Variants in DNAH2 observed in about 807,000 individuals in gnomAD.
DNAH2 encodes dynein axonemal heavy chain 2.
A neutral mutation model predicts 523.5 loss-of-function variants in DNAH2; 323 were observed. That is an observed-to-expected ratio of 0.62 (90% confidence interval 0.56 to 0.68). The LOEUF is 0.68. Among genes scored for constraint, DNAH2 ranks in the 30% least tolerant of loss-of-function variants. DNAH2 has a pLI of 0.00. For missense variants in DNAH2, 4,907 were observed against 5,701.5 expected, an observed-to-expected ratio of 0.86 and a Z score of 4.49; for synonymous variants, 2,093 against 2,177.4, an observed-to-expected ratio of 0.96 and a Z score of 1.08.
At position 7,752,160 on chromosome 17, in the gene DNAH2, T is replaced by TACACACACTCACACACACACACACACAC. The variant is rs146035380; in HGVS notation, c.1905-4923_1905-4922insTCACACACACACACACACACACACACAC. On this transcript the variant is annotated intron_variant, in intron 12 of 85. Coordinates refer to ENST00000572933, the MANE Select transcript of DNAH2 (RefSeq NM_020877.5). ...CCTGCCTTTTCCCCTTAAGTCATTTTACACACACACACACACACACACACA... is the reference window on the plus strand; with the variant it reads ...CCTGCCTTTTCCCCTTAAGTCATTTTACACACACTCACACACACACACACACACACACACACACACACACACACACACA... Among the ~76,000 whole-genome samples, 23 of 125,040 alleles carry TACACACACTCACACACACACACACACAC rather than the reference T, an allele frequency of 1.8e-4. 1 individual carries two copies. The highest frequency in any genetic ancestry group is 3.1e-4 in the South Asian group (1 of 3,200). The allele number at this position is 125,040 out of a possible 152,430, so 82.0% of individuals were successfully genotyped here. A position where few individuals can be genotyped will look rare whatever the true frequency, so the allele number is the denominator to read the frequency against.
Position 7,816,589 on chromosome 17 carries a change from A to G in DNAH2, c.9748A>G (p.Met3250Val), listed in dbSNP as rs1441736227. The change falls in exon 64 of 86, where the codon ATG (methionine) becomes GTG (valine). Residue 3250 changes from methionine to valine, a missense_variant. Coordinates refer to ENST00000572933, the MANE Select transcript of DNAH2 (RefSeq NM_020877.5). ...CTCCCAGGTAGCTGAGAAACTGGAG[A>G]TGCTAAAGAAACAGTATGATGAGAA... ...KLREVAEKLE[M>V]LKKQYDEKLA... 6.2e-7 allele frequency: 1 copy of G among 1,614,106 alleles called. No individual in the cohort carries two copies. Among genetic ancestry groups the G allele is most frequent in the Non-Finnish European group, 8.5e-7 (1 of 1,180,048 alleles).
rs1462040750 is a variant in DNAH2 at position 7,739,062 on chromosome 17, C to T, written c.1171-671C>T. The T allele has an allele frequency of 1.7e-5, 12 of 694,970 alleles. No individual in the cohort carries two copies. The East Asian group carries it at 3.2e-4, about 19-fold the overall frequency. The allele number at this position is 694,970 out of a possible 1,614,324, so 43.1% of individuals were successfully genotyped here. On this transcript the variant is annotated intron_variant, in intron 8 of 85. Coordinates refer to ENST00000572933, the MANE Select transcript of DNAH2 (RefSeq NM_020877.5). Reference sequence around the variant, plus strand: ...AGCTAACAGCAGACCCTCCAGAATCCCTCCCCACCTCCCACCCCAGGAACC... The same window carrying T: ...AGCTAACAGCAGACCCTCCAGAATCTCTCCCCACCTCCCACCCCAGGAACC...
intron 3 of DNAH2, among the ~76,000 whole-genome samples, chr17:7,726,495 G>T (rs1199403107): frequency 6.6e-6 from 1 of 151,612 alleles, no homozygotes; most frequent in African/African-American, 2.4e-5. Context: ...TAGAGACAAG[G>T]TTTCTCCATG....
At position 7,787,929 on chromosome 17, in the gene DNAH2, G is replaced by C; in HGVS notation, c.6673G>C (p.Val2225Leu). 5.6e-6 allele frequency: 9 copies of C among 1,614,210 alleles called. No individual in the cohort carries two copies. The highest frequency in any genetic ancestry group is 7.6e-6 in the Non-Finnish European group (9 of 1,180,042). ...SPATVSRCGM[V>L]YTDYADLGWK... Reference sequence around the variant, plus strand: ...GGCCACTGTATCCCGCTGCGGGATGGTCTACACTGACTACGCTGACCTGGG... The same window carrying C: ...GGCCACTGTATCCCGCTGCGGGATGCTCTACACTGACTACGCTGACCTGGG... The change falls in exon 43 of 86, where the codon GTC becomes CTC. Residue 2225 changes from valine to leucine, a missense_variant. This residue lies in a region of DNAH2 where 2,806 missense variants were observed against 3,190.8 expected (regional missense o/e 0.88). Transcript: ENST00000572933.
Position 7,824,738 on chromosome 17 carries a change from A to C in DNAH2, c.11853+11A>C. The stretch of plus-strand genomic sequence containing the variant: ...ACAGAGCCACCAAAGGTATGTGGCC[A>C]TAGAGAACCAGCATCATCAGGGCCA... On this transcript the variant is annotated intron_variant, in intron 77 of 85. Transcript: ENST00000572933. 1 of 1,517,232 alleles carries C rather than the reference A, an allele frequency of 6.6e-7. No homozygotes were observed. Among genetic ancestry groups the C allele is most frequent in the Non-Finnish European group, 8.9e-7 (1 of 1,119,868 alleles). The allele number at this position is 1,517,232 out of a possible 1,614,324, so 94.0% of individuals were successfully genotyped here.
chr17:7,739,980 G>A (rs1219532394), intron 9 of DNAH2, 42 bp downstream of exon 9: 12 of 1,590,512 alleles, frequency 7.5e-6, no homozygotes, highest in Non-Finnish European at 8.6e-7. Flanking sequence ...GGCAGGGAAG[G>A]CAGATCAGGC....
chr17:7,819,532 C>T (rs1297923510), intron 72 of DNAH2, 124 bp downstream of exon 72: 3 of 902,104 alleles, frequency 3.3e-6, no homozygotes, highest in Non-Finnish European at 3.5e-6. Context: ...GGCATATGTC[C>T]TCCTGGTAGC....
chr17:7,801,959 C>T lies in DNAH2; in HGVS notation c.8914C>T (p.Arg2972Trp), dbSNP rs764387043. 3 of 1,614,226 alleles carry T rather than the reference C, an allele frequency of 1.9e-6. No homozygotes were observed. Among genetic ancestry groups the T allele is most frequent in the Admixed American group, 3.3e-5 (2 of 60,020 alleles). The change falls in exon 58 of 86, where the codon CGG becomes TGG. Residue 2972 changes from arginine to tryptophan, a missense_variant. Around this residue, in one of 3 missense-constraint regions of DNAH2, gnomAD observed 1,851 missense variants for 2,139.4 expected, o/e 0.87. Transcript: ENST00000572933. Reference sequence around the variant, plus strand: ...TTCCCAGAAGATGCTGTTGGAACTGCGGAGACACAACTATGTCACACCCAC... The same window carrying T: ...TTCCCAGAAGATGCTGTTGGAACTGTGGAGACACAACTATGTCACACCCAC... The part of the protein sequence containing the change: ...QYSQKMLLEL[R>W]RHNYVTPTKY...
At position 7,759,107 on chromosome 17, in the gene DNAH2, A is replaced by C; in HGVS notation, c.2431A>C (p.Lys811Gln). Residue 811 changes from lysine to glutamine, a missense_variant, in exon 15 of 86, where the codon AAG becomes CAG. By Grantham distance (53) the Lys-to-Gln change is moderately conservative (BLOSUM62 1). Transcript: ENST00000572933. ...TIMTNSYEVF[K>Q]NDGPEIQQQW... ...CATGACCAACTCCTATGAGGTCTTC[A>C]AGAATGATGGTCCTGAGGTAGGGTT... 1 of 1,614,148 alleles carries C rather than the reference A, an allele frequency of 6.2e-7. No individual in the cohort carries two copies. Among genetic ancestry groups the C allele is most frequent in the Admixed American group, 1.7e-5 (1 of 60,024 alleles).
At chr17:7,792,570 G>C in intron 46 of DNAH2, 87 bp from the exon 47 acceptor site, 1 of 1,205,372 alleles carries the variant, frequency 8.3e-7, no homozygotes, top group South Asian at 1.3e-5. Flanking sequence ...GTGCTGATGA[G>C]ACAGTGGTGA....
chr17:7,742,509 T>C (rs1398051358), intron 11 of DNAH2, among the ~76,000 whole-genome samples: 2 of 152,214 alleles, frequency 1.3e-5, no homozygotes, highest in African/African-American at 2.4e-5. Context: ...TGACCTGCCA[T>C]CATGCAGCTG....
intron 18 of DNAH2, among the ~76,000 whole-genome samples, chr17:7,761,534 C>T (rs572513938): frequency 1.3e-5 from 2 of 149,966 alleles, no homozygotes; most frequent in East Asian, 2.0e-4. Context: ...GACAGAGTCT[C>T]ACTCTGTCAT....
At chr17:7,813,677 G>A (rs1207646787) in intron 63 of DNAH2, among the ~76,000 whole-genome samples, 2 of 152,124 alleles carry the variant, frequency 1.3e-5, no homozygotes, top group Admixed American at 6.6e-5. Flanking sequence ...GGAGGTTGAC[G>A]CGGGTGGATG....
chr17:7,732,867 A>C (rs1323956185), intron 4 of DNAH2, among the ~76,000 whole-genome samples: 1 of 152,202 alleles, frequency 6.6e-6, no homozygotes, highest in Admixed American at 6.5e-5. Flanking sequence ...GACAAAATGT[A>C]CAGTCCCTAC....
Position 7,796,666 on chromosome 17 carries a change from T to A in DNAH2, c.7863+14T>A, listed in dbSNP as rs1312374860. ...GACATCTCCAAGGTGACTCGCGGCC[T>A]GACCTTGCCCCTTCTGCTTGGCCCA... On this transcript the variant is annotated intron_variant, in intron 50 of 85. Coordinates refer to ENST00000572933, the MANE Select transcript of DNAH2 (RefSeq NM_020877.5). The A allele has an allele frequency of 2.5e-6, 4 of 1,605,782 alleles. No individual in the cohort carries two copies. In the African/African-American group the frequency reaches 5.4e-5, roughly 22 times the overall value.
intron 77 of DNAH2, among the ~76,000 whole-genome samples, chr17:7,824,977 G>A (rs146649099): frequency 9.2e-5 from 14 of 152,244 alleles, no homozygotes; most frequent in Non-Finnish European, 2.1e-4. Context: ...ATATGGGTGT[G>A]TGCACACACA....
intron 46 of DNAH2, 24 bp from the exon 47 acceptor site, chr17:7,792,633 G>T (rs201091637): frequency 6.2e-7 from 1 of 1,604,038 alleles, no homozygotes. Context: ...TGGTCCTTGA[G>T]AGCCGGCCCC....
intron 24 of DNAH2, 125 bp downstream of exon 24, chr17:7,768,392 T>C (rs2076229404): frequency 1.1e-6 from 1 of 902,108 alleles, no homozygotes; most frequent in South Asian, 1.6e-5. Context: ...CACAAATGTA[T>C]GTCTTTTTCT....
rs753621544 is a variant in DNAH2 at position 7,833,435 on chromosome 17, G to C, written c.13186G>C (p.Ala4396Pro). Residue 4396 changes from alanine to proline, a missense_variant, in exon 86 of 86, where the codon GCC becomes CCC. Around this residue, in one of 3 missense-constraint regions of DNAH2, gnomAD observed 1,851 missense variants for 2,139.4 expected, o/e 0.87. Transcript: ENST00000572933. ...CAACCGGGCAGGCAGCTCAGACCGA[G>C]CCTCCTTTGTCATCGGCATTGACCT... The part of the protein sequence containing the change: ...YPNRAGSSDR[A>P]SFVIGIDLRS... 2.4e-5 allele frequency: 39 copies of C among 1,614,154 alleles called. 1 individual carries two copies. In the South Asian group the frequency reaches 4.3e-4, roughly 18 times the overall value.
Sources: allele counts gnomAD v4.1 joint callset (sites outside exome capture counted in the v4.1 genomes callset), GRCh38; gene constraint gnomAD v4.1.1; regional missense constraint gnomAD v4.1.1; transcripts MANE v1.5; gene names NCBI Gene and HGNC (gene_info 2026-07-23, HGNC 2026-07-21).